The following CDH8 variants were observed in gnomAD, a reference collection of about 807,000 sequenced individuals.
CDH8 encodes cadherin-8.
In CDH8, 17 loss-of-function variants were observed where a neutral mutation model predicts 68.1. That is an observed-to-expected ratio of 0.25 (90% CI 0.17 to 0.37). CDH8 has a LOEUF of 0.37. CDH8 is among the 10% of genes least tolerant of loss of function. CDH8 has a pLI of 1.00. For missense variants in CDH8, 763 were observed against 999.3 expected, an observed-to-expected ratio of 0.76 and a Z score of 3.19; for synonymous variants, 372 against 365.1, an observed-to-expected ratio of 1.02 and a Z score of -0.21.
At chr16:61,883,339 A>G (rs1963612670) in intron 3 of CDH8, among the ~76,000 whole-genome samples, 1 of 152,070 alleles carries the variant, frequency 6.6e-6, no homozygotes, top group African/African-American at 2.4e-5. Context: ...GACTGAAGAT[A>G]ATATATCAAT....
At chr16:61,699,732 G>A (rs146595017) in intron 10 of CDH8, among the ~76,000 whole-genome samples, 25 of 152,004 alleles carry the variant, frequency 1.6e-4, no homozygotes, top group African/African-American at 5.8e-4. Flanking sequence ...CCACCACCAC[G>A]CCTGGTTAAT....
chr16:62,011,662 TG>T (rs1288029853), intron 2 of CDH8, among the ~76,000 whole-genome samples: 1 of 109,334 alleles, frequency 9.1e-6, no homozygotes, highest in African/African-American at 3.1e-5. Context: ...AAGAATGACC[TG>T]GGGGTAGTGT....
chr16:61,899,233 G>C (rs545487693), intron 3 of CDH8, among the ~76,000 whole-genome samples: 1 of 152,212 alleles, frequency 6.6e-6, no homozygotes, highest in Non-Finnish European at 1.5e-5. Flanking sequence ...ACAGTGTTTT[G>C]TTTTCTGTTC....
At chr16:61,994,606 G>A (rs1965779546) in intron 2 of CDH8, among the ~76,000 whole-genome samples, 1 of 152,130 alleles carries the variant, frequency 6.6e-6, no homozygotes, top group Non-Finnish European at 1.5e-5. Flanking sequence ...CTATTTGGAG[G>A]ATATGTTAGA....
intron 10 of CDH8, among the ~76,000 whole-genome samples, chr16:61,705,302 A>G (rs1355474444): frequency 5.3e-5 from 8 of 152,348 alleles, no homozygotes; most frequent in African/African-American, 1.9e-4. Flanking sequence ...TAAAACCTCC[A>G]TTAACTGACA....
At chr16:61,940,186 T>C (rs1239713097) in intron 2 of CDH8, 1 of 152,148 alleles carries the variant, frequency 6.6e-6, no homozygotes, top group African/African-American at 2.4e-5. Context: ...CTACCTCTTA[T>C]CTCCTTTGAC....
intron 2 of CDH8, among the ~76,000 whole-genome samples, chr16:61,960,639 A>G (rs1245461161): frequency 6.6e-6 from 1 of 152,102 alleles, no homozygotes; most frequent in East Asian, 1.9e-4. Context: ...CAAATGGATG[A>G]ATTATTGCTA....
At chr16:61,993,165 G>A (rs555909183) in intron 2 of CDH8, among the ~76,000 whole-genome samples, 2 of 152,274 alleles carry the variant, frequency 1.3e-5, no homozygotes, top group Admixed American at 1.3e-4. Context: ...ACTGCAGAAA[G>A]CATCTGGATT....
chr16:61,927,847 G>T (rs1964479418), intron 2 of CDH8, among the ~76,000 whole-genome samples: 1 of 152,206 alleles, frequency 6.6e-6, no homozygotes, highest in South Asian at 2.1e-4. Flanking sequence ...TGAAGATATT[G>T]TTTAACAAGA....
intron 2 of CDH8, among the ~76,000 whole-genome samples, chr16:61,981,648 A>ATG (rs750036103): frequency 0.13 from 19,011 of 146,674 alleles, 1,209 homozygotes; most frequent in Non-Finnish European, 0.15. Context: ...CTTGAAAAGA[A>ATG]TGTGTGTGTG....
At chr16:61,901,035 TA>T in intron 3 of CDH8, 143 bp downstream of exon 3, 1 of 720,066 alleles carries the variant, frequency 1.4e-6, no homozygotes, top group Non-Finnish European at 2.3e-6. Context: ...CTGTGGAACT[TA>T]GGCCAAAAAG....
chr16:61,773,462 T>C (rs1960829513), intron 8 of CDH8, among the ~76,000 whole-genome samples: 1 of 152,154 alleles, frequency 6.6e-6, no homozygotes, highest in South Asian at 2.1e-4. Flanking sequence ...ATCCTATCTG[T>C]ACTGGTATTT....
At chr16:61,977,604 G>A (rs1055538650) in intron 2 of CDH8, among the ~76,000 whole-genome samples, 4 of 151,834 alleles carry the variant, frequency 2.6e-5, no homozygotes, top group Non-Finnish European at 5.9e-5. Flanking sequence ...AATACACCTC[G>A]GGAGAAAGAT....
intron 9 of CDH8, among the ~76,000 whole-genome samples, chr16:61,717,208 T>C (rs1964747367): frequency 6.6e-6 from 1 of 151,698 alleles, no homozygotes; most frequent in Admixed American, 6.6e-5. Context: ...TGTTTCATAA[T>C]TTATTGTTGA....
intron 2 of CDH8, among the ~76,000 whole-genome samples, chr16:61,950,195 G>T (rs1239529525): frequency 6.6e-6 from 1 of 152,134 alleles, no homozygotes; most frequent in Non-Finnish European, 1.5e-5. Flanking sequence ...AAGTGATACA[G>T]GTTGTAATAC....
At chr16:61,912,157 G>C (rs930928171) in intron 2 of CDH8, among the ~76,000 whole-genome samples, 1 of 151,970 alleles carries the variant, frequency 6.6e-6, no homozygotes, top group East Asian at 1.9e-4. Context: ...ATGAAATTCC[G>C]TATTTATAAA....
In CDH8 at chr16:61,650,706, T is replaced by TGTGTGTGTGAGAGA. The variant is rs745949180; in HGVS notation, c.*2901_*2902insTCTCTCACACACAC. 1.0e-3 allele frequency: 122 copies of TGTGTGTGTGAGAGA among 116,664 alleles called. 1 individual carries two copies. Among genetic ancestry groups the TGTGTGTGTGAGAGA allele is most frequent in the African/African-American group, 4.1e-3 (121 of 29,850 alleles). The allele number at this position is 116,664 out of a possible 1,614,324, so 7.2% of individuals were successfully genotyped here. On this transcript the variant is annotated 3_prime_UTR_variant, in exon 12 of 12. Transcript: ENST00000577390. Reference sequence around the variant, plus strand: ...GTGTGTGTGTGTGTGTGTGTGTGTGTGAGAGAGAGAGAGAGAGAGAGAGAG... The same window carrying TGTGTGTGTGAGAGA: ...GTGTGTGTGTGTGTGTGTGTGTGTGTGTGTGTGTGAGAGAGAGAGAGAGAGAGAGAGAGAGAGAG...
At chr16:61,656,256 G>A (rs1963446488) in intron 10 of CDH8, among the ~76,000 whole-genome samples, 2 of 152,112 alleles carry the variant, frequency 1.3e-5, no homozygotes, top group East Asian at 1.9e-4. Flanking sequence ...GAGTTTTACC[G>A]TCATCACCTT....
intron 7 of CDH8, among the ~76,000 whole-genome samples, chr16:61,810,898 C>A (rs954802519): frequency 4.0e-5 from 6 of 151,830 alleles, no homozygotes; most frequent in African/African-American, 1.5e-4. Context: ...GTGGTGCATG[C>A]CTGTGTTCCC....
Sources: allele counts gnomAD v4.1 joint callset (sites outside exome capture counted in the v4.1 genomes callset), GRCh38; gene constraint gnomAD v4.1.1; transcripts MANE v1.5; gene names NCBI Gene and HGNC (gene_info 2026-07-23, HGNC 2026-07-21).